Variants in TMEM82 observed in about 807,000 individuals in gnomAD.
TMEM82 encodes the protein transmembrane protein 82.
A neutral mutation model predicts 29.2 loss-of-function variants in TMEM82; 30 were observed. The observed-to-expected ratio is 1.03, with a 90% CI of 0.77 to 1.39. TMEM82 has a LOEUF of 1.39. Ranked by LOEUF, TMEM82 falls within the 40% of genes most tolerant of loss-of-function variation. The probability of loss-of-function intolerance (pLI) is 0.00; values close to 1 mark genes in which losing one functional copy is unlikely to be tolerated. For missense variants in TMEM82, 442 were observed against 447.7 expected, an observed-to-expected ratio of 0.99 and a Z score of 0.12; for synonymous variants, 221 against 225.4, an observed-to-expected ratio of 0.98 and a Z score of 0.18.
chr1:15,744,259 G>A lies in TMEM82; in HGVS notation c.436G>A (p.Ala146Thr), dbSNP rs192441208. 263 of 1,570,450 alleles carry A rather than the reference G, an allele frequency of 1.7e-4. No homozygotes were observed. The East Asian group carries it at 4.2e-3, about 25-fold the overall frequency. The change falls in exon 4 of 6, where the codon GCC becomes ACC. Residue 146 changes from alanine to threonine, a missense_variant. Transcript: ENST00000375782. The surrounding 1 kb of genome is among the most constrained non-coding windows in gnomAD (Gnocchi z 5.2). ...TCGLSFLQEG[A>T]PHRTLNLLLS... The stretch of plus-strand genomic sequence containing the variant: ...TGGCCTGAGCTTCCTGCAGGAGGGC[G>A]CCCCTCACCGCACGCTGAACCTGCT...
In TMEM82 at chr1:15,747,039, C is replaced by A; in HGVS notation, c.930C>A (p.Asp310Glu). The A allele has an allele frequency of 6.3e-7, 1 of 1,591,820 alleles. No homozygotes were observed. Among genetic ancestry groups the A allele is most frequent in the Non-Finnish European group, 8.6e-7 (1 of 1,163,926 alleles). ...WCLVGVRTLL[D>E]LCQIQDFPSQ... The stretch of plus-strand genomic sequence containing the variant: ...TCGTGGGCGTCCGCACCCTGCTTGA[C>A]CTCTGCCAGATACAGGTGGGCACCC... Residue 310 changes from aspartate to glutamate, a missense_variant, in exon 5 of 6, where the codon GAC becomes GAA. Coordinates refer to ENST00000375782, the MANE Select transcript of TMEM82 (RefSeq NM_001013641.3).
At chr1:15,747,400 G>C (rs1180060500) in intron 5 of TMEM82, 146 bp from the exon 6 acceptor site, 1 of 702,254 alleles carries the variant, frequency 1.4e-6, no homozygotes, top group Non-Finnish European at 2.5e-6. Flanking sequence ...TGTCCTCCAG[G>C]TCACTAGCAC....
chr1:15,744,730 AAGC>A lies in TMEM82; in HGVS notation c.757+155_757+157del. On this transcript the variant is annotated intron_variant, in intron 4 of 5. Transcript: ENST00000375782. This position sits in a 1 kb window ranked among gnomAD's most constrained non-coding sequence, Gnocchi z 5.2. ...GCTGTGTGGCGGGGGCAGTGCAGAG[AAGC>A]AGCATGTAGTGGGCACCCTGAGGTT... 1.0e-6 allele frequency: 1 copy of A among 976,788 alleles called. No homozygotes were observed. The highest frequency in any genetic ancestry group is 1.7e-5 in the South Asian group (1 of 57,680). 60.5% of individuals were successfully genotyped at this position (976,788 alleles called of 1,614,324 possible). A position where few individuals can be genotyped will look rare whatever the true frequency, so the allele number is the denominator to read the frequency against.
At chr1:15,745,545 A>AGAAAGAGAGAGAGAGAGAAAGAGAGAG in intron 4 of TMEM82, among the ~76,000 whole-genome samples, 3 of 72,518 alleles carry the variant, frequency 4.1e-5, no homozygotes, top group African/African-American at 2.1e-4. Context: ...GAGAGAGAGA[A>AGAAAGAGAGAGAGAGAGAAAGAGAGAG]AGAGAGAAAG....
Position 15,747,032 on chromosome 1 carries a change from T to TG in TMEM82, c.924dup (p.Leu309AlafsTer2), listed in dbSNP as rs199908593. The TG allele has an allele frequency of 0.023, 37,212 of 1,609,534 alleles. 528 individuals carry two copies. Among genetic ancestry groups the TG allele is most frequent in the Non-Finnish European group, 0.027 (31,570 of 1,178,914 alleles). On this transcript the variant is annotated frameshift_variant, in exon 5 of 6. Transcript: ENST00000375782. LOFTEE classifies it low-confidence loss of function (END_TRUNC). ...TGGTGTCTCGTGGGCGTCCGCACCCTGCTTGACCTCTGCCAGATACAGGTG... is the reference window on the plus strand; with the variant it reads ...TGGTGTCTCGTGGGCGTCCGCACCCTGGCTTGACCTCTGCCAGATACAGGTG...
At chr1:15,746,130 C>T (rs1174240491) in intron 4 of TMEM82, among the ~76,000 whole-genome samples, 1 of 87,550 alleles carries the variant, frequency 1.1e-5, no homozygotes, top group Non-Finnish European at 2.7e-5. Context: ...CTCCTGGGTT[C>T]AATCAATTCT....
chr1:15,743,026 G>A lies in TMEM82; in HGVS notation c.168G>A (p.Pro56=), dbSNP rs753580713. 56 of 1,597,820 alleles carry A rather than the reference G, an allele frequency of 3.5e-5. 1 individual carries two copies. The East Asian group carries it at 1.1e-3, about 31-fold the overall frequency. Residue 56 remains proline (P), a synonymous_variant, in exon 3 of 6, where the codon CCG becomes CCA. Coordinates refer to ENST00000375782, the MANE Select transcript of TMEM82 (RefSeq NM_001013641.3). ...ACCCATTCTGTCCCCAAAGTGACCC[G>A]CAGCGGCGACCCGAAAAGGAGCGGC... is the stretch of plus-strand genomic sequence containing the variant. ...VYFFVGCAND[P]QRRPEKERLR...
rs2068298290 is a variant in TMEM82 at position 15,742,589 on chromosome 1, G to A, written c.30G>A (p.Trp10Ter). ...TCTCTCTTCCATCCCTCCCCTCCTG[G>A]CTCCCCGGCCTCCCCTCCCTCGAGT... MFSLPSLPSWLPGLPSLEWG... is the reference protein window; with the variant it reads MFSLPSLPS The change falls in exon 1 of 6, where the codon TGG becomes TGA. Residue 10 changes from tryptophan (W) to a stop codon, truncating the protein, a stop_gained. Transcript: ENST00000375782. LOFTEE classifies it high-confidence loss of function. The A allele has an allele frequency of 1.2e-6, 2 of 1,600,126 alleles. No individual in the cohort carries two copies. Among genetic ancestry groups the A allele is most frequent in the Admixed American group, 3.4e-5 (2 of 58,608 alleles).
rs148343257 is a variant in TMEM82, at chr1:15,744,272, C to T, written c.449C>T (p.Thr150Met). 9.3e-5 allele frequency: 145 copies of T among 1,562,006 alleles called. No individual in the cohort carries two copies. The highest frequency in any genetic ancestry group is 2.2e-4 in the Admixed American group (12 of 54,376). Residue 150 changes from threonine (T) to methionine (M), a missense_variant, in exon 4 of 6, where the codon ACG becomes ATG. Coordinates refer to ENST00000375782, the MANE Select transcript of TMEM82 (RefSeq NM_001013641.3). The surrounding 1 kb of genome is among the most constrained non-coding windows in gnomAD (Gnocchi z 5.2). ...CTGCAGGAGGGCGCCCCTCACCGCA[C>T]GCTGAACCTGCTGCTGAGCCTCGGG... ...SFLQEGAPHRTLNLLLSLGLA... is the reference protein window; with the variant it reads ...SFLQEGAPHRMLNLLLSLGLA...
chr1:15,745,655 G>A (rs148446977), intron 4 of TMEM82, among the ~76,000 whole-genome samples: 2,527 of 152,014 alleles, frequency 0.017, 79 homozygotes, highest in African/African-American at 0.058. Context: ...CACTTTGGGA[G>A]GCTAAGGCAG....
intron 3 of TMEM82, among the ~76,000 whole-genome samples, chr1:15,743,505 G>A (rs750622071): frequency 3.9e-5 from 6 of 152,242 alleles, no homozygotes; most frequent in Non-Finnish European, 7.3e-5. Flanking sequence ...CAGGGGTAAA[G>A]GTTTGCTCTG....
In TMEM82 at chr1:15,743,174, A is replaced by G. The variant is rs761491399; in HGVS notation, c.316A>G (p.Thr106Ala). ...CGAGTTCTCCCTCCGGGCCGTGTCC[A>G]CGCTGCTGTCCCTGGGCAAGGTGAG... ...VLEFSLRAVS[T>A]LLSLGKGSQG... The change falls in exon 3 of 6, where the codon ACG (threonine) becomes GCG (alanine). Residue 106 changes from threonine (T) to alanine (A), a missense_variant. Coordinates refer to ENST00000375782, the MANE Select transcript of TMEM82 (RefSeq NM_001013641.3). 2.4e-5 allele frequency: 38 copies of G among 1,608,788 alleles called. No homozygotes were observed. The highest frequency in any genetic ancestry group is 3.1e-5 in the Non-Finnish European group (37 of 1,179,780).
chr1:15,744,218 G>T lies in TMEM82; in HGVS notation c.395G>T (p.Gly132Val). Residue 132 changes from glycine to valine, a missense_variant, in exon 4 of 6, where the codon GGC becomes GTC. Gly to Val is a moderately radical substitution (Grantham distance 109). Coordinates refer to ENST00000375782, the MANE Select transcript of TMEM82 (RefSeq NM_001013641.3). This position sits in a 1 kb window ranked among gnomAD's most constrained non-coding sequence, Gnocchi z 5.2. ...QLYLLCQYSL[G>V]CGLTCGLSFL... ...TACCTGCTGTGCCAGTACTCGCTGGGCTGCGGGCTGACCTGTGGCCTGAGC... is the reference window on the plus strand; with the variant it reads ...TACCTGCTGTGCCAGTACTCGCTGGTCTGCGGGCTGACCTGTGGCCTGAGC... The T allele has an allele frequency of 6.3e-7, 1 of 1,590,922 alleles. No individual in the cohort carries two copies.
chr1:15,744,439 C>T lies in TMEM82; in HGVS notation c.616C>T (p.Arg206Cys), dbSNP rs530209857. 1.3e-4 allele frequency: 209 copies of T among 1,600,022 alleles called. 1 individual carries two copies. The South Asian group carries it at 2.1e-3, about 16-fold the overall frequency. Residue 206 changes from arginine (R) to cysteine (C), a missense_variant, in exon 4 of 6, where the codon CGT becomes TGT. Transcript: ENST00000375782. This position sits in a 1 kb window ranked among gnomAD's most constrained non-coding sequence, Gnocchi z 5.2. ...ACATGGCCTCCCCCAGCTGCTGGGC[C>T]GTGCCCTGGCCATAGCCTTTGCCGT... is the stretch of plus-strand genomic sequence containing the variant. ...HAHGLPQLLG[R>C]ALAIAFAVGD... is the part of the protein sequence containing the mutation.
Position 15,743,120 on chromosome 1 carries a change from G to T in TMEM82, c.262G>T (p.Gly88Trp). 1 of 1,612,098 alleles carries T rather than the reference G, an allele frequency of 6.2e-7. No individual in the cohort carries two copies. Residue 88 changes from glycine to tryptophan, a missense_variant, in exon 3 of 6, where the codon GGG becomes TGG. Transcript: ENST00000375782. ...AGLALFLTVV[G>W]SRVAALVVLE... Reference sequence around the variant, plus strand: ...GCTGGCCCTGTTTCTGACGGTCGTGGGGTCCCGGGTGGCTGCCCTCGTGGT... The same window carrying T: ...GCTGGCCCTGTTTCTGACGGTCGTGTGGTCCCGGGTGGCTGCCCTCGTGGT...
At chr1:15,743,233 A>G in intron 3 of TMEM82, 39 bp downstream of exon 3, 2 of 1,579,208 alleles carry the variant, frequency 1.3e-6, no homozygotes, top group Non-Finnish European at 1.7e-6. Context: ...ATCACTCCCC[A>G]GCCCAGGGCC....
chr1:15,747,746 G>T lies in TMEM82; in HGVS notation c.*114G>T, dbSNP rs2068349726. 1 of 929,914 alleles carries T rather than the reference G, an allele frequency of 1.1e-6. No individual in the cohort carries two copies. Among genetic ancestry groups the T allele is most frequent in the Admixed American group, 2.5e-5 (1 of 40,476 alleles). 57.6% of individuals were successfully genotyped at this position (929,914 alleles called of 1,614,324 possible). On this transcript the variant is annotated 3_prime_UTR_variant, in exon 6 of 6. Coordinates refer to ENST00000375782, the MANE Select transcript of TMEM82 (RefSeq NM_001013641.3). ...TGGCAGAGCTGGCCTCCTGCCCAGA[G>T]CTCAGCACAGGCCCTGGGAGCCCCG...
Position 15,746,973 on chromosome 1 carries a change from G to GA in TMEM82, c.864_865insA (p.Leu289ThrfsTer22). The GA allele has an allele frequency of 6.2e-7, 1 of 1,612,036 alleles. No homozygotes were observed. The highest frequency in any genetic ancestry group is 1.1e-5 in the South Asian group (1 of 91,070). The stretch of plus-strand genomic sequence containing the variant: ...TGACTGTGGGTCGCTGGCTGGACCT[G>GA]CTGGGCATCCTTGTCTCCCTACTGG... On this transcript the variant is annotated frameshift_variant, in exon 5 of 6. Transcript: ENST00000375782. LOFTEE classifies it high-confidence loss of function.
At position 15,746,865 on chromosome 1, in the gene TMEM82, A is replaced by G. The variant is rs1175301542; in HGVS notation, c.758-2A>G. On this transcript the variant is annotated splice_acceptor_variant, in intron 4 of 5. Coordinates refer to ENST00000375782, the MANE Select transcript of TMEM82 (RefSeq NM_001013641.3). LOFTEE classifies it high-confidence loss of function. The stretch of plus-strand genomic sequence containing the variant: ...ACGGTGACAGGCACCCGCATCCCAC[A>G]GAGGAGCAGCGGCAGCACCCCGGCC... 1 of 1,571,224 alleles carries G rather than the reference A, an allele frequency of 6.4e-7. No homozygotes were observed. Among genetic ancestry groups the G allele is most frequent in the Non-Finnish European group, 8.6e-7 (1 of 1,164,356 alleles).
Sources: gnomAD v4.1 joint callset for allele counts (sites outside exome capture counted in the v4.1 genomes callset) on GRCh38, gnomAD v4.1.1 for gene constraint, Gnocchi (gnomAD v3.1) non-coding constraint, MANE v1.5 for transcripts, NCBI Gene and HGNC (gene_info 2026-07-23, HGNC 2026-07-21) for gene names.